Variants in ADGRL2 observed in about 807,000 individuals in gnomAD.
ADGRL2 encodes the protein adhesion G protein-coupled receptor L2.
ADGRL2 carries 44 observed loss-of-function variants against 157.4 expected under a neutral mutation model. That is an observed-to-expected ratio of 0.28 (90% CI 0.22 to 0.36). The LOEUF is 0.36. Among genes scored for constraint, ADGRL2 ranks in the 10% least tolerant of loss-of-function variants. The probability of loss-of-function intolerance (pLI) is 1.00; values close to 1 mark genes in which losing one functional copy is unlikely to be tolerated. For synonymous variants in ADGRL2, 585 were observed against 624.7 expected (o/e 0.94, Z 0.95); for missense variants, 1,510 against 1,768.9 (o/e 0.85, Z 2.63).
intron 3 of ADGRL2, among the ~76,000 whole-genome samples, chr1:81,649,443 G>C (rs768142989): frequency 7.2e-5 from 11 of 152,156 alleles, no homozygotes; most frequent in Non-Finnish European, 1.2e-4. Context: ...ATGTGGAAAA[G>C]TTATTTTTGA....
intron 6 of ADGRL2, among the ~76,000 whole-genome samples, chr1:81,944,372 G>A (rs888429560): frequency 6.6e-6 from 1 of 152,048 alleles, no homozygotes; most frequent in Non-Finnish European, 1.5e-5. Flanking sequence ...GATCCCAAGT[G>A]ATGACTTGTG....
intron 2 of ADGRL2, chr1:81,503,375 G>A: frequency 6.2e-7 from 1 of 1,613,944 alleles, no homozygotes; most frequent in Non-Finnish European, 8.5e-7. Flanking sequence ...CTCGGCAGCA[G>A]CGCCAGCAGC....
At position 81,505,058 on chromosome 1, in the gene ADGRL2, G is replaced by A. The variant is rs1403307013; in HGVS notation, c.-248+59969G>A. 1.5e-5 allele frequency: 6 copies of A among 398,878 alleles called. No homozygotes were observed. The East Asian group carries it at 2.3e-4, about 15-fold the overall frequency. 24.7% of individuals were successfully genotyped at this position (398,878 alleles called of 1,614,324 possible). ...CGCATGTGGCGTGGGTGTGTGTGGC[G>A]GCGTGGCTCGCACTCAGTCCTGTGT... On this transcript the variant is annotated intron_variant, in intron 2 of 24. Coordinates refer to the ADGRL2 transcript ENST00000370721.
intron 1 of ADGRL2, among the ~76,000 whole-genome samples, chr1:81,395,834 C>T (rs1201665782): frequency 6.6e-6 from 1 of 152,142 alleles, no homozygotes; most frequent in African/African-American, 2.4e-5. Context: ...GCAACTTTGT[C>T]AAAAATCAGT....
chr1:81,456,718 G>A (rs2077815928), intron 2 of ADGRL2, among the ~76,000 whole-genome samples: 1 of 149,866 alleles, frequency 6.7e-6, no homozygotes, highest in Admixed American at 6.6e-5. Flanking sequence ...TTTTCAGGCA[G>A]TTTTATTACA....
chr1:81,480,684 A>G (rs1424494025), intron 2 of ADGRL2, among the ~76,000 whole-genome samples: 1 of 152,232 alleles, frequency 6.6e-6, no homozygotes, highest in African/African-American at 2.4e-5. Flanking sequence ...ATTCACTTAT[A>G]TAACGACTAA....
At chr1:81,532,585 A>C (rs1245588973) in intron 2 of ADGRL2, among the ~76,000 whole-genome samples, 1 of 136,510 alleles carries the variant, frequency 7.3e-6, no homozygotes. Context: ...TCATTTTTTT[A>C]TCATCTGGAA....
chr1:81,619,456 T>C (rs2081740570), intron 3 of ADGRL2, among the ~76,000 whole-genome samples: 1 of 152,152 alleles, frequency 6.6e-6, no homozygotes, highest in South Asian at 2.1e-4. Context: ...GGAAGGTCAA[T>C]TTAAGCCACC....
At chr1:81,863,446 A>C (rs145566443) in intron 2 of ADGRL2, among the ~76,000 whole-genome samples, 1 of 152,022 alleles carries the variant, frequency 6.6e-6, no homozygotes, top group Non-Finnish European at 1.5e-5. Flanking sequence ...ACAGAAAAAA[A>C]CTCTCTAAAA....
chr1:81,717,859 C>T (rs1378632519), intron 1 of ADGRL2, among the ~76,000 whole-genome samples: 2 of 152,132 alleles, frequency 1.3e-5, no homozygotes, highest in African/African-American at 4.8e-5. Context: ...AAGAAAGATC[C>T]ATTTGGAAAC....
At chr1:81,695,623 C>G (rs1351734755), upstream of ADGRL2, among the ~76,000 whole-genome samples, 2 of 152,022 alleles carry the variant, frequency 1.3e-5, no homozygotes, top group East Asian at 1.9e-4. Context: ...TGTTAAGAGA[C>G]CAGCCTGGCC....
At chr1:81,574,385 C>A (rs981220719) in intron 2 of ADGRL2, among the ~76,000 whole-genome samples, 1 of 152,094 alleles carries the variant, frequency 6.6e-6, no homozygotes, top group Non-Finnish European at 1.5e-5. Flanking sequence ...TGAAGCCCAG[C>A]CTCTAGTGTA....
chr1:81,640,383 C>T (rs2082195290), intron 3 of ADGRL2, among the ~76,000 whole-genome samples: 1 of 151,902 alleles, frequency 6.6e-6, no homozygotes, highest in Admixed American at 6.6e-5. Flanking sequence ...ACCTGTAATC[C>T]CGGCACTTTG....
At chr1:81,848,005 T>C (rs1003393378) in intron 2 of ADGRL2, among the ~76,000 whole-genome samples, 1 of 151,824 alleles carries the variant, frequency 6.6e-6, no homozygotes, top group African/African-American at 2.4e-5. Context: ...TAAAAATGGC[T>C]AAATATGTTT....
intron 6 of ADGRL2, among the ~76,000 whole-genome samples, chr1:81,948,523 C>T (rs2149035566): frequency 6.6e-6 from 1 of 152,220 alleles, no homozygotes; most frequent in East Asian, 1.9e-4. Context: ...GTTCTGATTC[C>T]CGACTCCCCT....
intron 1 of ADGRL2, among the ~76,000 whole-genome samples, chr1:81,835,773 C>T (rs1449684172): frequency 6.6e-6 from 1 of 151,956 alleles, no homozygotes; most frequent in Non-Finnish European, 1.5e-5. Flanking sequence ...ATAGAGGGAT[C>T]CTTAGGGAAG....
chr1:81,498,295 G>T (rs1209111967), intron 2 of ADGRL2, among the ~76,000 whole-genome samples: 1 of 152,096 alleles, frequency 6.6e-6, no homozygotes. Context: ...ATATGCATGT[G>T]TACACATTAT....
chr1:81,700,789 A>G (rs1284307216), intron 1 of ADGRL2, among the ~76,000 whole-genome samples: 2 of 152,208 alleles, frequency 1.3e-5, no homozygotes, highest in African/African-American at 2.4e-5. Context: ...CGGATTCACA[A>G]TTGTCGAACA....
chr1:81,886,252 ATC>A (rs1333549278), intron 2 of ADGRL2, among the ~76,000 whole-genome samples: 2 of 152,118 alleles, frequency 1.3e-5, no homozygotes, highest in African/African-American at 4.8e-5. Flanking sequence ...GCTCACTGCA[ATC>A]TCTGCCTCCC....
Sources: gnomAD v4.1 joint callset for allele counts (sites outside exome capture counted in the v4.1 genomes callset) on GRCh38, gnomAD v4.1.1 for gene constraint, MANE v1.5 for transcripts, NCBI Gene and HGNC (gene_info 2026-07-23, HGNC 2026-07-21) for gene names.